UBR3: variants seen among roughly 807,000 people sequenced by gnomAD.
The protein encoded by UBR3 is E3 ubiquitin-protein ligase UBR3.
UBR3 carries 85 observed loss-of-function variants against 243.2 expected under a neutral mutation model. That is an observed-to-expected ratio of 0.35 (90% CI 0.29 to 0.42). UBR3 has a LOEUF of 0.42. Among genes scored for constraint, UBR3 ranks in the 10% least tolerant of loss-of-function variants. The probability of loss-of-function intolerance (pLI) is 1.00; values close to 1 mark genes in which losing one functional copy is unlikely to be tolerated. For synonymous variants in UBR3, 748 were observed against 799.8 expected, an observed-to-expected ratio of 0.94 and a Z score of 1.09; for missense variants, 1,686 against 2,300.8, an observed-to-expected ratio of 0.73 and a Z score of 5.47.
chr2:169,861,769 A>G (rs1301447128), intron 1 of UBR3, among the ~76,000 whole-genome samples: 2 of 152,136 alleles, frequency 1.3e-5, no homozygotes, highest in Non-Finnish European at 2.9e-5. Context: ...GTCATACTTA[A>G]GCTGTCTCTT....
At chr2:169,887,705 A>T (rs1340713886) in intron 5 of UBR3, among the ~76,000 whole-genome samples, 2 of 152,202 alleles carry the variant, frequency 1.3e-5, no homozygotes. Context: ...ACATTACCTA[A>T]ATCTCTATCA....
At chr2:169,874,416 G>A (rs576189620) in intron 2 of UBR3, among the ~76,000 whole-genome samples, 2 of 152,032 alleles carry the variant, frequency 1.3e-5, no homozygotes, top group African/African-American at 4.8e-5. Flanking sequence ...ATGATCCACC[G>A]CCTTGGCCTC....
At chr2:169,878,347 C>T (rs984040244) in intron 4 of UBR3, among the ~76,000 whole-genome samples, 178 bp from the exon 5 acceptor site, 16 of 140,348 alleles carry the variant, frequency 1.1e-4, no homozygotes, top group African/African-American at 3.8e-4. Flanking sequence ...AGCAACAGAG[C>T]GAGAATCCCG....
chr2:169,948,920 A>T (rs999898895), intron 22 of UBR3, among the ~76,000 whole-genome samples: 4 of 151,958 alleles, frequency 2.6e-5, no homozygotes, highest in Non-Finnish European at 5.9e-5. Flanking sequence ...TAAAAAAAAA[A>T]CTGTTCAAAA....
At chr2:169,842,769 G>A (rs1031279618) in intron 1 of UBR3, among the ~76,000 whole-genome samples, 5 of 152,162 alleles carry the variant, frequency 3.3e-5, no homozygotes, top group African/African-American at 4.8e-5. Flanking sequence ...CTCCAGACAC[G>A]CCACCTTAAG....
At chr2:169,950,393 G>A (rs774297894) in intron 23 of UBR3, among the ~76,000 whole-genome samples, 3 of 151,956 alleles carry the variant, frequency 2.0e-5, no homozygotes, top group Non-Finnish European at 4.4e-5. Context: ...CTTTAAATGA[G>A]AATATTAAAA....
chr2:170,060,122 C>G (rs1013578011), intron 33 of UBR3, among the ~76,000 whole-genome samples: 2 of 152,218 alleles, frequency 1.3e-5, no homozygotes, highest in East Asian at 3.9e-4. Flanking sequence ...GTGTTTATCC[C>G]TTCCTATATT....
chr2:170,055,302 G>A (rs1351099114), intron 32 of UBR3, among the ~76,000 whole-genome samples, 158 bp from the exon 33 acceptor site: 1 of 152,120 alleles, frequency 6.6e-6, no homozygotes, highest in South Asian at 2.1e-4. Context: ...CTGCCTGGGT[G>A]ACAGACTGAG....
intron 1 of UBR3, among the ~76,000 whole-genome samples, chr2:169,846,963 T>C (rs2082500905): frequency 3.3e-5 from 5 of 152,178 alleles, no homozygotes; most frequent in Admixed American, 3.3e-4. Context: ...TTCAAACTCC[T>C]GGACTCATGC....
At chr2:170,050,393 G>A (rs1216659688) in intron 32 of UBR3, among the ~76,000 whole-genome samples, 12 of 152,118 alleles carry the variant, frequency 7.9e-5, no homozygotes, top group Admixed American at 7.9e-4. Flanking sequence ...AATTATCATG[G>A]TGATAGGAAC....
chr2:170,055,488 T>G lies in UBR3; in HGVS notation c.4689T>G (p.Leu1563=), dbSNP rs2105442732. The G allele has an allele frequency of 1.2e-6, 2 of 1,613,632 alleles. No individual in the cohort carries two copies. Among genetic ancestry groups the G allele is most frequent in the Admixed American group, 3.3e-5 (2 of 59,990 alleles). ...ACTTTACCTGCATTGTGAAGGTACT[T>G]TTTACCCTACTGTACACACAGGCTC... ...KDHFTCIVKV[L]FTLLYTQALA... Residue 1563 remains leucine, a synonymous_variant, in exon 33 of 39, where the codon CTT becomes CTG. Transcript: ENST00000272793.
intron 24 of UBR3, among the ~76,000 whole-genome samples, chr2:169,968,672 A>T (rs2087939153): frequency 6.6e-6 from 1 of 152,264 alleles, no homozygotes; most frequent in East Asian, 1.9e-4. Flanking sequence ...TGGCTCTTCA[A>T]TATACTGATT....
intron 36 of UBR3, 98 bp downstream of exon 36, chr2:170,073,705 C>T: frequency 1.6e-6 from 2 of 1,268,916 alleles, no homozygotes; most frequent in East Asian, 5.2e-5. Flanking sequence ...CTGTTTTTGA[C>T]AGCAATTATA....
chr2:169,896,516 A>G lies in UBR3; in HGVS notation c.1246A>G (p.Thr416Ala). ...LPDQEYKVAF[T>A]KTFVQHYAFI... ...ATTAAAATGTTTACAGGTTGCTTTTACAAAAACTTTTGTTCAGCATTATGC... is the reference window on the plus strand; with the variant it reads ...ATTAAAATGTTTACAGGTTGCTTTTGCAAAAACTTTTGTTCAGCATTATGC... Residue 416 changes from threonine (T) to alanine (A), a missense_variant, in exon 8 of 39, where the codon ACA (threonine) becomes GCA (alanine). Thr to Ala is a moderately conservative substitution (Grantham distance 58). Around this residue, in one of 8 missense-constraint regions of UBR3, gnomAD observed 200 missense variants for 231.6 expected, o/e 0.86. Transcript: ENST00000272793. 1.3e-6 allele frequency: 2 copies of G among 1,522,162 alleles called. No individual in the cohort carries two copies. Among genetic ancestry groups the G allele is most frequent in the Non-Finnish European group, 1.8e-6 (2 of 1,130,388 alleles). 94.3% of individuals were successfully genotyped at this position (1,522,162 alleles called of 1,614,324 possible). A position where few individuals can be genotyped will look rare whatever the true frequency, so the allele number is the denominator to read the frequency against.
rs1347745912 is a variant in UBR3 at position 169,927,393 on chromosome 2, A to G, written c.2412A>G (p.Ser804=). The change falls in exon 17 of 39, where the codon TCA becomes TCG. Residue 804 remains serine, a synonymous_variant. Coordinates refer to ENST00000272793, the MANE Select transcript of UBR3 (RefSeq NM_172070.4). The part of the protein sequence containing the change: ...QLCMNDRTHS[S]LLDLIPENPN... ...GTATGAATGACAGGACACACAGTTC[A>G]TTGCTGGACCTCATATCCTTTTAAA... 1.9e-6 allele frequency: 3 copies of G among 1,548,630 alleles called. No individual in the cohort carries two copies. The highest frequency in any genetic ancestry group is 2.7e-5 in the African/African-American group (2 of 72,990).
chr2:170,040,090 A>G (rs1444668854), intron 31 of UBR3, among the ~76,000 whole-genome samples: 1 of 151,998 alleles, frequency 6.6e-6, no homozygotes, highest in Non-Finnish European at 1.5e-5. Context: ...AACTTTGCAA[A>G]TGTTAAAGAT....
chr2:169,868,833 A>T (rs1486768933), intron 1 of UBR3, among the ~76,000 whole-genome samples: 1 of 152,232 alleles, frequency 6.6e-6, no homozygotes, highest in Non-Finnish European at 1.5e-5. Flanking sequence ...CCTTTCAAAA[A>T]TTCTTTTCAG....
chr2:170,001,597 G>T (rs1461610916), intron 27 of UBR3, among the ~76,000 whole-genome samples, 183 bp downstream of exon 27: 2 of 151,916 alleles, frequency 1.3e-5, no homozygotes, highest in African/African-American at 4.8e-5. Context: ...TTTAATTTCA[G>T]TTTCATTTTA....
At chr2:169,935,284 C>T (rs886929563) in intron 19 of UBR3, among the ~76,000 whole-genome samples, 3 of 152,076 alleles carry the variant, frequency 2.0e-5, no homozygotes, top group Non-Finnish European at 4.4e-5. Flanking sequence ...TCCCATCTTA[C>T]CCCCCTGAGT....
Sources: gnomAD v4.1 joint callset for allele counts (sites outside exome capture counted in the v4.1 genomes callset) on GRCh38, gnomAD v4.1.1 for gene constraint, gnomAD v4.1.1 regional missense constraint, MANE v1.5 for transcripts, NCBI Gene and HGNC (gene_info 2026-07-23, HGNC 2026-07-21) for gene names.